CCAR2: variants seen among roughly 807,000 people sequenced by gnomAD.
CCAR2 encodes the protein cell cycle and apoptosis regulator 2, also known as cell cycle and apoptosis regulator protein 2.
A neutral mutation model predicts 108.1 loss-of-function variants in CCAR2; 21 were observed. The observed-to-expected ratio is 0.19, with a 90% CI of 0.14 to 0.28. The LOEUF (loss-of-function observed/expected upper bound fraction) is 0.28, where lower values mean the gene tolerates loss of function less well. CCAR2 is among the 10% of genes least tolerant of loss of function. The pLI, the probability that CCAR2 is intolerant of heterozygous loss-of-function variation, is 1.00. For missense variants in CCAR2, 1,126 were observed against 1,177.0 expected, an observed-to-expected ratio of 0.96 and a Z score of 0.63; for synonymous variants, 577 against 472.8, an observed-to-expected ratio of 1.22 and a Z score of -2.86.
intron 7 of CCAR2, among the ~76,000 whole-genome samples, chr8:22,608,423 A>T (rs1331636730): frequency 6.6e-6 from 1 of 152,238 alleles, no homozygotes; most frequent in Non-Finnish European, 1.5e-5. Context: ...TAACATGTCA[A>T]AACAACTAGA....
chr8:22,606,464 CA>C, intron 3 of CCAR2, 142 bp from the exon 4 acceptor site: 1 of 695,000 alleles, frequency 1.4e-6, no homozygotes, highest in African/African-American at 1.8e-5. Context: ...GGAGTATGCC[CA>C]CCACACCTGT....
chr8:22,605,978 G>T, intron 2 of CCAR2, 107 bp from the exon 3 acceptor site: 1 of 1,280,130 alleles, frequency 7.8e-7, no homozygotes, highest in Non-Finnish European at 1.1e-6. Flanking sequence ...GAAGCTCTGT[G>T]GAGGAGCTGG....
At chr8:22,607,460 GT>G in intron 6 of CCAR2, 135 bp downstream of exon 6, 1 of 574,088 alleles carries the variant, frequency 1.7e-6, no homozygotes, top group Non-Finnish European at 2.8e-6. Flanking sequence ...CTGGATAGGT[GT>G]TTAGGGTTTT....
Position 22,618,423 on chromosome 8 carries a change from G to T in CCAR2, c.2148G>T (p.Trp716Cys), listed in dbSNP as rs1161018288. 9.3e-6 allele frequency: 15 copies of T among 1,614,092 alleles called. No individual in the cohort carries two copies. Among genetic ancestry groups the T allele is most frequent in the East Asian group, 2.2e-5 (1 of 44,900 alleles). ...LLAFVFFDANWCGYLHRRDLE... is the reference protein window; with the variant it reads ...LLAFVFFDANCCGYLHRRDLE... ...CTTTTGTGTTCTTTGATGCCAACTGGTGTGGCTACTTGCACCGGCGAGACT... is the reference window on the plus strand; with the variant it reads ...CTTTTGTGTTCTTTGATGCCAACTGTTGTGGCTACTTGCACCGGCGAGACT... Residue 716 changes from tryptophan (W) to cysteine (C), a missense_variant, in exon 17 of 21, where the codon TGG (tryptophan) becomes TGT (cysteine). Physicochemically the swap from Trp to Cys is radical, Grantham distance 215. This residue lies in a region of CCAR2 where 1,013 missense variants were observed against 993.9 expected (regional missense o/e 1.02). Coordinates refer to ENST00000308511, the MANE Select transcript of CCAR2 (RefSeq NM_001393997.1).
At chr8:22,617,867 A>G (rs1801588955) in intron 16 of CCAR2, 89 bp downstream of exon 16, 5 of 1,357,834 alleles carry the variant, frequency 3.7e-6, no homozygotes, top group Non-Finnish European at 5.2e-6. Flanking sequence ...GATGCTTACC[A>G]GTGACTTCCT....
intron 7 of CCAR2, among the ~76,000 whole-genome samples, chr8:22,609,517 C>T (rs184074609): frequency 4.6e-5 from 7 of 152,138 alleles, no homozygotes; most frequent in African/African-American, 7.2e-5. Context: ...CTGCTTGAAA[C>T]CCTGTGTCCC....
At chr8:22,607,446 C>G in intron 6 of CCAR2, 121 bp downstream of exon 6, 1 of 973,754 alleles carries the variant, frequency 1.0e-6, no homozygotes, top group Non-Finnish European at 1.5e-6. Context: ...GAAAGGTGGG[C>G]AATCTGGATA....
At position 22,618,646 on chromosome 8, in the gene CCAR2, C is replaced by G. The variant is rs199810999; in HGVS notation, c.2250C>G (p.Thr750=). 12 of 1,613,964 alleles carry G rather than the reference C, an allele frequency of 7.4e-6. No homozygotes were observed. In the African/African-American group the frequency reaches 1.6e-4, roughly 22 times the overall value. Reference sequence around the variant, plus strand: ...AGCAGCTGGTCAGCAGGGTGGTGACCCAGAACATCTGCCAGTACCGGAGCC... The same window carrying G: ...AGCAGCTGGTCAGCAGGGTGGTGACGCAGAACATCTGCCAGTACCGGAGCC... ...QAKQLVSRVV[T]QNICQYRSLQ... is the part of the protein sequence containing the mutation. Residue 750 remains threonine (T), a synonymous_variant, in exon 18 of 21, where the codon ACC becomes ACG. Coordinates refer to ENST00000308511, the MANE Select transcript of CCAR2 (RefSeq NM_001393997.1).
In CCAR2 at chr8:22,607,270, T is replaced by G. The variant is rs1483946631; in HGVS notation, c.432T>G (p.Ala144=). The G allele has an allele frequency of 6.2e-7, 1 of 1,613,770 alleles. No individual in the cohort carries two copies. The highest frequency in any genetic ancestry group is 8.5e-7 in the Non-Finnish European group (1 of 1,180,030). Residue 144 remains alanine (A), a synonymous_variant, in exon 6 of 21, where the codon GCT becomes GCG. Coordinates refer to ENST00000308511, the MANE Select transcript of CCAR2 (RefSeq NM_001393997.1). The part of the protein sequence containing the change: ...ALGQKQGILG[A]QPQLIFQPHR... ...GCCAGAAGCAAGGGATCCTGGGAGC[T>G]CAGCCTCAGTTGATCTTCCAGCCTC...
rs534119212 is a variant in CCAR2, at chr8:22,619,464, C to T, written c.2727+109C>T. 2.5e-4 allele frequency: 355 copies of T among 1,431,992 alleles called. 3 individuals carry two copies. Among genetic ancestry groups the T allele is most frequent in the South Asian group, 2.0e-3 (153 of 77,710 alleles). 88.7% of individuals were successfully genotyped at this position (1,431,992 alleles called of 1,614,324 possible). ...GAGTGACCAGAGGGCCAGCAGGCAC[C>T]GGCTTCGTCTTTCCATCGCTTGCCA... On this transcript the variant is annotated intron_variant, in intron 20 of 20. Coordinates refer to ENST00000308511, the MANE Select transcript of CCAR2 (RefSeq NM_001393997.1).
chr8:22,614,368 C>CT lies in CCAR2; in HGVS notation c.928-21dup, dbSNP rs778486486. On this transcript the variant is annotated intron_variant, in intron 9 of 20. Coordinates refer to ENST00000308511, the MANE Select transcript of CCAR2 (RefSeq NM_001393997.1). The stretch of plus-strand genomic sequence containing the variant: ...TGATTTCTGGAGGCTGAAGGCAGCT[C>CT]TGAGTGTCTCCTCCTGCACAGGTAC... 16 of 1,613,790 alleles carry CT rather than the reference C, an allele frequency of 9.9e-6. No homozygotes were observed. The Admixed American group carries it at 2.2e-4, about 22-fold the overall frequency.
In CCAR2 at chr8:22,619,021, G is replaced by A. The variant is rs1363919858; in HGVS notation, c.2521+6G>A. The A allele has an allele frequency of 1.2e-6, 2 of 1,612,266 alleles. No homozygotes were observed. Among genetic ancestry groups the A allele is most frequent in the Non-Finnish European group, 1.7e-6 (2 of 1,179,416 alleles). On this transcript the variant is annotated splice_donor_region_variant and intron_variant, in intron 19 of 20. Transcript: ENST00000308511. Reference sequence around the variant, plus strand: ...CACACTGGAGCTGAAGCTGGGTGAGGGCCTGGGGCTGCAGCCACCATGGGG... The same window carrying A: ...CACACTGGAGCTGAAGCTGGGTGAGAGCCTGGGGCTGCAGCCACCATGGGG...
In CCAR2 at chr8:22,614,466, C is replaced by T; in HGVS notation, c.1004C>T (p.Pro335Leu). 6.2e-7 allele frequency: 1 copy of T among 1,614,172 alleles called. No individual in the cohort carries two copies. Among genetic ancestry groups the T allele is most frequent in the African/African-American group, 1.3e-5 (1 of 75,056 alleles). The change falls in exon 10 of 21, where the codon CCA becomes CTA. Residue 335 changes from proline to leucine, a missense_variant. Around this residue, in one of 4 missense-constraint regions of CCAR2, gnomAD observed 1,013 missense variants for 993.9 expected, o/e 1.02. Transcript: ENST00000308511. ...CMLFVDDMAEPRETPEHPLKQ... is the reference protein window; with the variant it reads ...CMLFVDDMAELRETPEHPLKQ... ...CTCTTTGTGGATGACATGGCTGAGC[C>T]AAGGGAGACGCCAGAGCATCCTCTG...
At chr8:22,613,849 C>T (rs1801391832) in intron 8 of CCAR2, 4 of 512,866 alleles carry the variant, frequency 7.8e-6, no homozygotes, top group Admixed American at 3.6e-5. Flanking sequence ...TATATTAAGG[C>T]AATGACCCAT....
Position 22,611,721 on chromosome 8 carries a change from G to A in CCAR2, c.585-1296G>A, listed in dbSNP as rs1446484304. 2.6e-5 allele frequency among the ~76,000 whole-genome samples: 4 copies of A among 152,000 alleles called. No individual in the cohort carries two copies. The East Asian group carries it at 5.8e-4, about 22-fold the overall frequency. ...TAATCCTGAGTGTTTTAATGGCTGC[G>A]TGATTGTTTGTATTTACTATGAAAA... On this transcript the variant is annotated intron_variant, in intron 7 of 20. Transcript: ENST00000308511.
rs200419699 is a variant in CCAR2, at chr8:22,619,267, G to A, written c.2639G>A (p.Arg880Gln). 1.1e-5 allele frequency: 17 copies of A among 1,564,836 alleles called. No individual in the cohort carries two copies. The Admixed American group carries it at 2.1e-4, about 19-fold the overall frequency. The change falls in exon 20 of 21, where the codon CGA (arginine) becomes CAA (glutamine). Residue 880 changes from arginine (R) to glutamine (Q), a missense_variant. By Grantham distance (43) the Arg-to-Gln change is conservative (BLOSUM62 1). Coordinates refer to ENST00000308511, the MANE Select transcript of CCAR2 (RefSeq NM_001393997.1). ...GAGGAGACCGCCCGGACGGCGGAGC[G>A]ACAGAAGAGCCAGCTCCAGCGGCTG... Reference protein sequence around the residue: ...EAEETARTAERQKSQLQRLLQ... With the variant: ...EAEETARTAEQQKSQLQRLLQ...
chr8:22,614,678 G>T, intron 10 of CCAR2, 160 bp from the exon 11 acceptor site: 1 of 1,064,406 alleles, frequency 9.4e-7, no homozygotes. Flanking sequence ...TAGTCAGAGA[G>T]AGCGAGGTGG....
chr8:22,604,879 T>TCGCCCCTCCGCCCCTC lies in CCAR2; in HGVS notation c.-39+41_-39+56dup, dbSNP rs754487578. 2.1e-4 allele frequency: 93 copies of TCGCCCCTCCGCCCCTC among 440,276 alleles called. 2 individuals carry two copies. The highest frequency in any genetic ancestry group is 1.4e-3 in the South Asian group (91 of 63,012). The allele number at this position is 440,276 out of a possible 1,614,324, so 27.3% of individuals were successfully genotyped here. On this transcript the variant is annotated intron_variant, in intron 1 of 20. Transcript: ENST00000308511. ...GGCCCCCTGCCGCCCCTCTGCCCCT[T>TCGCCCCTCCGCCCCTC]CGCCCCTCCGCCCCTCCGCTGGCCG...
At chr8:22,604,897 G>C in intron 1 of CCAR2, 55 bp downstream of exon 1, 1 of 419,530 alleles carries the variant, frequency 2.4e-6, no homozygotes, top group Admixed American at 2.6e-5. Flanking sequence ...CCGCCCCTCC[G>C]CTGGCCGAGG....
Sources: gnomAD v4.1 joint callset for allele counts (sites outside exome capture counted in the v4.1 genomes callset) on GRCh38, gnomAD v4.1.1 for gene constraint, gnomAD v4.1.1 regional missense constraint, MANE v1.5 for transcripts, NCBI Gene and HGNC (gene_info 2026-07-23, HGNC 2026-07-21) for gene names.